The following PIGK variants were observed in gnomAD, a reference collection of about 807,000 sequenced individuals.
PIGK encodes GPI-anchor transamidase.
Under a neutral mutation model 50.6 loss-of-function variants are expected in PIGK, and 42 were observed. The ratio of observed to expected loss-of-function variants is 0.83; its 90% CI spans 0.65 to 1.07. PIGK has a LOEUF of 1.07. Among genes scored for constraint, PIGK ranks in the 50% least tolerant of loss-of-function variants. The pLI, the probability that PIGK is intolerant of heterozygous loss-of-function variation, is 0.00. For synonymous variants in PIGK, 151 were observed against 156.0 expected (o/e 0.97, Z 0.24); for missense variants, 448 against 488.7 (o/e 0.92, Z 0.78).
intron 9 of PIGK, chr1:77,129,601 AG>A: frequency 2.6e-6 from 4 of 1,539,572 alleles, no homozygotes; most frequent in Non-Finnish European, 3.5e-6. Context: ...CCAGAAGAGG[AG>A]GTTGCCCAGA....
intron 5 of PIGK, among the ~76,000 whole-genome samples, chr1:77,166,178 A>T (rs1476454216): frequency 1.3e-5 from 2 of 152,200 alleles, no homozygotes; most frequent in Non-Finnish European, 2.9e-5. Context: ...ATTATGGTAC[A>T]CTTTATCTCC....
Position 77,163,945 on chromosome 1 carries a change from T to G in PIGK, c.488-3A>C. On this transcript the variant is annotated splice_polypyrimidine_tract_variant and splice_region_variant and intron_variant, in intron 5 of 10. Coordinates refer to ENST00000370812, the MANE Select transcript of PIGK (RefSeq NM_005482.3). ...TAAGAAACCATTTCCACCATGCCCT[T>G]GTATAAAGAGTAAAAAAGATCAATA... is the stretch of plus-strand genomic sequence containing the variant. 6.5e-7 allele frequency: 1 copy of G among 1,542,596 alleles called. No homozygotes were observed. Among genetic ancestry groups the G allele is most frequent in the South Asian group, 1.1e-5 (1 of 87,644 alleles).
chr1:77,208,719 T>C (rs1656349738), intron 2 of PIGK, among the ~76,000 whole-genome samples: 1 of 152,182 alleles, frequency 6.6e-6, no homozygotes, highest in Admixed American at 6.5e-5. Context: ...GGTTTTTTTC[T>C]TGAAGAACAA....
At chr1:77,128,573 T>A (rs1654281865) in intron 9 of PIGK, among the ~76,000 whole-genome samples, 1 of 152,202 alleles carries the variant, frequency 6.6e-6, no homozygotes, top group Non-Finnish European at 1.5e-5. Flanking sequence ...CTAACCTGAA[T>A]GCACAAGGAA....
intron 3 of PIGK, among the ~76,000 whole-genome samples, chr1:77,184,188 T>C (rs1004797123): frequency 1.5e-5 from 2 of 137,832 alleles, no homozygotes; most frequent in Non-Finnish European, 3.2e-5. Context: ...TGTAGAGCTC[T>C]GGCACTGGCT....
rs572243408 is a variant in PIGK, at chr1:77,107,053, T to G, written c.1072-14563A>C. Among the ~76,000 whole-genome samples, 4 of 152,334 alleles carry G rather than the reference T, an allele frequency of 2.6e-5. No individual in the cohort carries two copies. The South Asian group carries it at 6.2e-4, about 24-fold the overall frequency. Reference sequence around the variant, plus strand: ...TCAAAAAAACAGCTCCTGGATTCATTGAATTTTCGAAGGGTTTTTTGTGTC... The same window carrying G: ...TCAAAAAAACAGCTCCTGGATTCATGGAATTTTCGAAGGGTTTTTTGTGTC... On this transcript the variant is annotated intron_variant, in intron 10 of 10. Coordinates refer to ENST00000370812, the MANE Select transcript of PIGK (RefSeq NM_005482.3).
intron 3 of PIGK, among the ~76,000 whole-genome samples, chr1:77,174,950 G>A (rs538691628): frequency 1.1e-4 from 16 of 152,178 alleles, no homozygotes; most frequent in African/African-American, 2.4e-4. Context: ...TTATGTATGC[G>A]TTCTGTGTGT....
chr1:77,172,180 C>A (rs1164838149), intron 3 of PIGK, among the ~76,000 whole-genome samples: 1 of 150,690 alleles, frequency 6.6e-6, no homozygotes, highest in African/African-American at 2.4e-5. Context: ...GGACAAACCA[C>A]AACCTAACTT....
At chr1:77,143,261 G>C (rs938575358) in intron 9 of PIGK, among the ~76,000 whole-genome samples, 1 of 151,788 alleles carries the variant, frequency 6.6e-6, no homozygotes, top group African/African-American at 2.4e-5. Context: ...TCAATTTCTT[G>C]GTCAAGTATT....
chr1:77,100,740 T>C (rs1653522063), intron 10 of PIGK, among the ~76,000 whole-genome samples: 1 of 152,142 alleles, frequency 6.6e-6, no homozygotes, highest in Admixed American at 6.5e-5. Flanking sequence ...GTTGGAAAGA[T>C]AGATATATTC....
At chr1:77,172,461 G>T (rs1045597146) in intron 3 of PIGK, among the ~76,000 whole-genome samples, 1 of 151,966 alleles carries the variant, frequency 6.6e-6, no homozygotes, top group African/African-American at 2.4e-5. Flanking sequence ...GTGATTCTGG[G>T]GGCTTGCCAA....
intron 9 of PIGK, among the ~76,000 whole-genome samples, chr1:77,143,417 T>A (rs1377319200): frequency 2.0e-5 from 3 of 152,082 alleles, no homozygotes; most frequent in African/African-American, 4.8e-5. Flanking sequence ...TTATAAAAAA[T>A]TTTTGTGACC....
chr1:77,143,088 T>C lies in PIGK; in HGVS notation c.986+11361A>G, dbSNP rs1265132511. On this transcript the variant is annotated intron_variant, in intron 9 of 10. Coordinates refer to ENST00000370812, the MANE Select transcript of PIGK (RefSeq NM_005482.3). ...TATTAATGTAAATGTCTTTTCCTTC[T>C]TGTTTTACCTAACAGCTACAATCCT... Among the ~76,000 whole-genome samples the C allele has an allele frequency of 2.0e-5, 3 of 152,298 alleles. No individual in the cohort carries two copies. The East Asian group carries it at 5.8e-4, about 29-fold the overall frequency.
At chr1:77,164,698 G>T (rs891283451) in intron 5 of PIGK, among the ~76,000 whole-genome samples, 3 of 151,794 alleles carry the variant, frequency 2.0e-5, no homozygotes, top group Non-Finnish European at 4.4e-5. Context: ...CGCTTAGTAA[G>T]TGTAAGCACA....
At chr1:77,143,425 A>G (rs1350293239) in intron 9 of PIGK, among the ~76,000 whole-genome samples, 1 of 152,076 alleles carries the variant, frequency 6.6e-6, no homozygotes. Flanking sequence ...AATTTTTGTG[A>G]CCCAAAATTG....
intron 3 of PIGK, among the ~76,000 whole-genome samples, chr1:77,179,070 A>G (rs1224001032): frequency 6.6e-6 from 1 of 152,216 alleles, no homozygotes; most frequent in African/African-American, 2.4e-5. Flanking sequence ...ATGGGACAAT[A>G]AAACTAAGAC....
At chr1:77,119,528 T>C (rs531402545) in intron 10 of PIGK, among the ~76,000 whole-genome samples, 1 of 152,178 alleles carries the variant, frequency 6.6e-6, no homozygotes, top group African/African-American at 2.4e-5. Flanking sequence ...ATAACTTGAG[T>C]CTCCTGGGTT....
intron 3 of PIGK, among the ~76,000 whole-genome samples, chr1:77,176,565 C>T (rs1327040427): frequency 1.3e-5 from 2 of 152,096 alleles, no homozygotes; most frequent in Admixed American, 1.3e-4. Context: ...CAGTTAATTG[C>T]TTAATGCTCC....
At chr1:77,111,891 T>C (rs1414537428) in intron 10 of PIGK, among the ~76,000 whole-genome samples, 2 of 152,172 alleles carry the variant, frequency 1.3e-5, no homozygotes, top group African/African-American at 2.4e-5. Context: ...GATACTATTC[T>C]GTCTTCGCAA....
Sources: gnomAD v4.1 joint callset for allele counts (sites outside exome capture counted in the v4.1 genomes callset) on GRCh38, gnomAD v4.1.1 for gene constraint, MANE v1.5 for transcripts, NCBI Gene and HGNC (gene_info 2026-07-23, HGNC 2026-07-21) for gene names.